Variants in PTPRD observed in about 807,000 individuals in gnomAD.
The protein encoded by PTPRD is protein tyrosine phosphatase receptor type D.
Under a neutral mutation model 214.5 loss-of-function variants are expected in PTPRD, and 34 were observed. That is an observed-to-expected ratio of 0.16 (90% CI 0.12 to 0.21). The LOEUF is 0.21. PTPRD is among the 10% of genes least tolerant of loss of function. The probability of loss-of-function intolerance (pLI) is 1.00; values close to 1 mark genes in which losing one functional copy is unlikely to be tolerated. For synonymous variants in PTPRD, 1,128 were observed against 845.7 expected (o/e 1.33, Z -5.79); for missense variants, 2,545 against 2,398.7 (o/e 1.06, Z -1.27).
intron 2 of PTPRD, among the ~76,000 whole-genome samples, chr9:10,602,923 G>A (rs1314070430): frequency 6.6e-6 from 1 of 151,740 alleles, no homozygotes. Context: ...ACTCCACCAT[G>A]AGCTTATCTT....
intron 9 of PTPRD, among the ~76,000 whole-genome samples, chr9:9,229,774 G>A (rs1171184255): frequency 6.6e-6 from 1 of 152,072 alleles, no homozygotes; most frequent in Admixed American, 6.6e-5. Context: ...TGCCAACAAG[G>A]CTATAGAATT....
intron 11 of PTPRD, among the ~76,000 whole-genome samples, chr9:8,766,436 G>T (rs2094754907): frequency 6.6e-6 from 1 of 151,850 alleles, no homozygotes; most frequent in Non-Finnish European, 1.5e-5. Context: ...GAGCTGCCAG[G>T]GTAGGATCCA....
At chr9:9,248,280 G>T (rs2099973938) in intron 9 of PTPRD, among the ~76,000 whole-genome samples, 2 of 152,022 alleles carry the variant, frequency 1.3e-5, no homozygotes, top group Admixed American at 1.3e-4. Flanking sequence ...TTTTAGTAGA[G>T]ATGGGGTTTC....
chr9:9,658,580 G>T (rs917597382), intron 7 of PTPRD, among the ~76,000 whole-genome samples: 1 of 152,108 alleles, frequency 6.6e-6, no homozygotes, highest in Non-Finnish European at 1.5e-5. Context: ...TCACTTGTGA[G>T]ATCCCTTCAT....
intron 7 of PTPRD, among the ~76,000 whole-genome samples, chr9:9,575,353 T>C (rs1349593045): frequency 2.0e-5 from 3 of 152,132 alleles, no homozygotes; most frequent in Non-Finnish European, 2.9e-5. Context: ...TTAATAATTA[T>C]GCTAGTTATT....
chr9:8,585,312 A>C (rs1356974361), intron 14 of PTPRD, among the ~76,000 whole-genome samples: 1 of 152,216 alleles, frequency 6.6e-6, no homozygotes, highest in East Asian at 1.9e-4. Flanking sequence ...CTTTATAAAA[A>C]GAACAGGAAA....
intron 11 of PTPRD, among the ~76,000 whole-genome samples, chr9:8,812,995 C>G (rs2154523342): frequency 6.6e-6 from 1 of 152,190 alleles, no homozygotes; most frequent in East Asian, 1.9e-4. Context: ...GCTTTTGCTT[C>G]CGCTCCTCAT....
chr9:9,287,868 A>T (rs558890241), intron 9 of PTPRD, among the ~76,000 whole-genome samples: 80 of 151,966 alleles, frequency 5.3e-4, no homozygotes, highest in Non-Finnish European at 9.1e-4. Context: ...AGGTGCAAAC[A>T]TACCAGTAAA....
chr9:9,174,308 T>C (rs910788558), intron 10 of PTPRD, among the ~76,000 whole-genome samples: 7 of 152,156 alleles, frequency 4.6e-5, no homozygotes, highest in South Asian at 2.1e-4. Context: ...ATTCAATAAA[T>C]AGATGAATGA....
At chr9:10,258,873 C>T (rs1172545009) in intron 3 of PTPRD, among the ~76,000 whole-genome samples, 1 of 152,104 alleles carries the variant, frequency 6.6e-6, no homozygotes, top group Non-Finnish European at 1.5e-5. Flanking sequence ...TTCAATACAA[C>T]CATTTACTGT....
intron 8 of PTPRD, among the ~76,000 whole-genome samples, chr9:9,400,398 C>G (rs897411975): frequency 1.3e-5 from 2 of 150,960 alleles, no homozygotes; most frequent in Non-Finnish European, 1.5e-5. Context: ...AGGAGATTTT[C>G]TTTCACATGA....
chr9:8,346,336 T>C (rs774585181), intron 39 of PTPRD, among the ~76,000 whole-genome samples: 105 of 152,272 alleles, frequency 6.9e-4, no homozygotes, highest in Middle Eastern at 3.4e-3. Context: ...AAACTCATTG[T>C]TTCTTAATTG....
chr9:9,865,648 T>A lies in PTPRD; in HGVS notation c.-368+72859A>T, dbSNP rs116942451. Among the ~76,000 whole-genome samples, 1,515 of 152,266 alleles carry A rather than the reference T, an allele frequency of 9.9e-3. 18 individuals carry two copies. The highest frequency in any genetic ancestry group is 0.016 in the Non-Finnish European group (1,069 of 68,012). ...AACAGAAAATGGACTAAGACAATAA[T>A]GGGAGAAATAAGAAAGTTCTCTGTA... On this transcript the variant is annotated intron_variant, in intron 5 of 45. Coordinates refer to ENST00000381196, the MANE Select transcript of PTPRD (RefSeq NM_002839.4).
chr9:9,772,098 G>T (rs2098756537), intron 5 of PTPRD, among the ~76,000 whole-genome samples: 1 of 151,736 alleles, frequency 6.6e-6, no homozygotes, highest in Admixed American at 6.6e-5. Flanking sequence ...TATTTTAAAG[G>T]GTCATTAAGT....
intron 11 of PTPRD, among the ~76,000 whole-genome samples, chr9:8,878,710 T>G (rs1016505156): frequency 6.6e-6 from 1 of 152,138 alleles, no homozygotes; most frequent in African/African-American, 2.4e-5. Context: ...TTTTTATTTT[T>G]ATTTTTAGAA....
chr9:9,427,203 T>G (rs2081298035), intron 8 of PTPRD, among the ~76,000 whole-genome samples: 1 of 152,140 alleles, frequency 6.6e-6, no homozygotes, highest in Non-Finnish European at 1.5e-5. Flanking sequence ...ATAACCAGCT[T>G]AGAGAAGACC....
chr9:9,823,957 G>A (rs982248604), intron 5 of PTPRD, among the ~76,000 whole-genome samples: 1 of 151,810 alleles, frequency 6.6e-6, no homozygotes, highest in Non-Finnish European at 1.5e-5. Flanking sequence ...TTTTATGTTT[G>A]TATCAAAATA....
At chr9:9,402,990 C>A (rs10977732) in intron 8 of PTPRD, among the ~76,000 whole-genome samples, 33,760 of 90,968 alleles carry the variant, frequency 0.37, 5,749 homozygotes, top group African/African-American at 0.42. Context: ...AAAAAAAAAA[C>A]ACCAAAAAAA....
intron 4 of PTPRD, among the ~76,000 whole-genome samples, chr9:9,939,492 A>T (rs183506104): frequency 5.2e-4 from 79 of 152,042 alleles, no homozygotes; most frequent in South Asian, 4.4e-3. Flanking sequence ...CAATTTGGTG[A>T]CCTCCTTTTT....
Sources: gnomAD v4.1 joint callset for allele counts (sites outside exome capture counted in the v4.1 genomes callset) on GRCh38, gnomAD v4.1.1 for gene constraint, MANE v1.5 for transcripts, NCBI Gene and HGNC (gene_info 2026-07-23, HGNC 2026-07-21) for gene names.